The following AGT variants were observed in gnomAD, a reference collection of about 807,000 sequenced individuals.
The protein encoded by AGT is angiotensinogen.
In AGT, 26 loss-of-function variants were observed where a neutral mutation model predicts 28.1. The observed-to-expected ratio is 0.92, with a 90% CI of 0.68 to 1.28. The LOEUF (loss-of-function observed/expected upper bound fraction) is 1.28, where lower values mean the gene tolerates loss of function less well. Among genes scored for constraint, AGT ranks in the 50% most tolerant of loss-of-function variants. The pLI, the probability that AGT is intolerant of heterozygous loss-of-function variation, is 0.00. For synonymous variants in AGT, 259 were observed against 259.6 expected, an observed-to-expected ratio of 1.00 and a Z score of 0.02; for missense variants, 596 against 592.3, an observed-to-expected ratio of 1.01 and a Z score of -0.06.
At chr1:230,719,689 G>A (rs1200009588) in intron 1 of AGT, among the ~76,000 whole-genome samples, 1 of 152,114 alleles carries the variant, frequency 6.6e-6, no homozygotes, top group Non-Finnish European at 1.5e-5. Context: ...TTACAGGCAT[G>A]AGCCACCACA....
intron 2 of AGT, among the ~76,000 whole-genome samples, chr1:230,708,074 C>T (rs1420004331): frequency 6.6e-6 from 1 of 152,228 alleles, no homozygotes; most frequent in Non-Finnish European, 1.5e-5. Context: ...CCGATCTCCT[C>T]ACTGGACAGA....
rs755860691 is a variant in AGT, at chr1:230,702,837, T to C, written c.*304A>G. 6 of 348,178 alleles carry C rather than the reference T, an allele frequency of 1.7e-5. No individual in the cohort carries two copies. Among genetic ancestry groups the C allele is most frequent in the Non-Finnish European group, 3.2e-5 (6 of 190,000 alleles). The allele number at this position is 348,178 out of a possible 1,614,324, so 21.6% of individuals were successfully genotyped here. A position where few individuals can be genotyped will look rare whatever the true frequency, so the allele number is the denominator to read the frequency against. ...ACAAGCTGGTCGGTTGGAATTCTTT[T>C]TGGAACAGTAGTCCCGCGCTAAACA... On this transcript the variant is annotated 3_prime_UTR_variant, in exon 5 of 5. Transcript: ENST00000366667.
chr1:230,729,281 G>C (rs184242201), intron 1 of AGT, among the ~76,000 whole-genome samples: 1 of 152,154 alleles, frequency 6.6e-6, no homozygotes, highest in Non-Finnish European at 1.5e-5. Flanking sequence ...CCTAGCTCCC[G>C]GGCAGTGTTC....
rs138531709 is a variant in AGT, at chr1:230,707,800, C to T, written c.830-1600G>A. On this transcript the variant is annotated intron_variant, in intron 2 of 4. Coordinates refer to ENST00000366667, the MANE Select transcript of AGT (RefSeq NM_001384479.1). ...GAGAGTGGCTGCCGTCTTCCCTCTG[C>T]TCGTCTGACATGCACAGCTCACCAT... Among the ~76,000 whole-genome samples the T allele has an allele frequency of 2.9e-3, 448 of 152,312 alleles. 3 individuals carry two copies. The highest frequency in any genetic ancestry group is 0.01 in the African/African-American group (429 of 41,566).
chr1:230,716,218 T>G (rs1357629176), upstream of AGT, among the ~76,000 whole-genome samples: 1 of 152,228 alleles, frequency 6.6e-6, no homozygotes, highest in Non-Finnish European at 1.5e-5. Flanking sequence ...TAGAGAATTT[T>G]ATTGAGAATG....
chr1:230,702,962 A>T lies in AGT; in HGVS notation c.*179T>A. The stretch of plus-strand genomic sequence containing the variant: ...GCTTCTACTGCTCACTCCATGCAGC[A>T]CACTTAGACCAAGGAGAAACGGCTG... On this transcript the variant is annotated 3_prime_UTR_variant, in exon 5 of 5. Transcript: ENST00000366667. 1 of 672,918 alleles carries T rather than the reference A, an allele frequency of 1.5e-6. No individual in the cohort carries two copies. Among genetic ancestry groups the T allele is most frequent in the East Asian group, 2.7e-5 (1 of 36,450 alleles). The allele number at this position is 672,918 out of a possible 1,614,324, so 41.7% of individuals were successfully genotyped here.
At chr1:230,722,711 C>A (rs1339253203) in intron 1 of AGT, among the ~76,000 whole-genome samples, 1 of 152,170 alleles carries the variant, frequency 6.6e-6, no homozygotes, top group Non-Finnish European at 1.5e-5. Context: ...GCCTGTAGCC[C>A]TTCTGTTTTG....
intron 1 of AGT, among the ~76,000 whole-genome samples, chr1:230,732,818 AG>A (rs1272222048): frequency 3.3e-5 from 5 of 152,200 alleles, no homozygotes; most frequent in East Asian, 1.9e-4. Context: ...TGCTGTCTCA[AG>A]GGTGGCAGAG....
intron 1 of AGT, among the ~76,000 whole-genome samples, chr1:230,740,243 C>T (rs1323107899): frequency 6.6e-6 from 1 of 152,178 alleles, no homozygotes; most frequent in Non-Finnish European, 1.5e-5. Context: ...GAACAGAGGT[C>T]ACTTTCATCG....
chr1:230,719,632 C>T (rs910655221), intron 1 of AGT, among the ~76,000 whole-genome samples: 5 of 152,064 alleles, frequency 3.3e-5, no homozygotes, highest in African/African-American at 9.7e-5. Flanking sequence ...TGGTCTCGAT[C>T]TCCTGACCTC....
intron 1 of AGT, among the ~76,000 whole-genome samples, chr1:230,742,688 G>A (rs1053308781): frequency 1.3e-4 from 20 of 152,142 alleles, no homozygotes; most frequent in African/African-American, 4.1e-4. Context: ...TCCTTGTTCC[G>A]TTTTATGGCT....
chr1:230,706,307 G>T, intron 2 of AGT, 107 bp from the exon 3 acceptor site: 1 of 1,333,208 alleles, frequency 7.5e-7, no homozygotes, highest in Non-Finnish European at 1.0e-6. Flanking sequence ...CCCTGCCTCA[G>T]CCTCCTTCCT....
chr1:230,716,583 T>C (rs1663742787), upstream of AGT, among the ~76,000 whole-genome samples: 1 of 152,148 alleles, frequency 6.6e-6, no homozygotes, highest in Admixed American at 6.5e-5. Flanking sequence ...ATGCTGTTCT[T>C]GTGATAGTGC....
intron 1 of AGT, among the ~76,000 whole-genome samples, chr1:230,730,327 G>A (rs1300442576): frequency 1.3e-5 from 2 of 151,984 alleles, no homozygotes; most frequent in African/African-American, 4.8e-5. Context: ...GTCCACCTCG[G>A]CTTCCCAAAC....
chr1:230,720,161 C>T (rs1051139097), intron 1 of AGT, among the ~76,000 whole-genome samples: 2 of 152,086 alleles, frequency 1.3e-5, no homozygotes, highest in East Asian at 1.9e-4. Flanking sequence ...ATATGAAACA[C>T]GTGGTAGAAA....
At chr1:230,704,511 TA>T (rs753106626) in intron 3 of AGT, among the ~76,000 whole-genome samples, 174 bp from the exon 4 acceptor site, 27 of 152,172 alleles carry the variant, frequency 1.8e-4, no homozygotes, top group Non-Finnish European at 2.9e-4. Context: ...AAACCTACAA[TA>T]AAAATCCTTC....
At position 230,703,208 on chromosome 1, in the gene AGT, A is replaced by G. The variant is rs1388632201; in HGVS notation, c.1364T>C (p.Val455Ala). Residue 455 changes from valine (V) to alanine (A), a missense_variant, in exon 5 of 5, where the codon GTG becomes GCG. Transcript: ENST00000366667. Reference sequence around the variant, plus strand: ...CAGGGCAGTGGCGCTTTGATCATACACAGCAAACAGGAATGGGCGGTTCAG... The same window carrying G: ...CAGGGCAGTGGCGCTTTGATCATACGCAGCAAACAGGAATGGGCGGTTCAG... The part of the protein sequence containing the change: ...VTLNRPFLFA[V>A]YDQSATALHF... 6.2e-7 allele frequency: 1 copy of G among 1,614,194 alleles called. No homozygotes were observed. Among genetic ancestry groups the G allele is most frequent in the Admixed American group, 1.7e-5 (1 of 60,034 alleles).
chr1:230,717,321 G>A (rs752335801), upstream of AGT, among the ~76,000 whole-genome samples: 8 of 151,950 alleles, frequency 5.3e-5, no homozygotes, highest in Non-Finnish European at 1.2e-4. Flanking sequence ...ATGAGACTTG[G>A]TCTAAACTAG....
chr1:230,712,459 A>G (rs1239275143), intron 1 of AGT, among the ~76,000 whole-genome samples: 1 of 152,194 alleles, frequency 6.6e-6, no homozygotes, highest in Non-Finnish European at 1.5e-5. Context: ...GCCACATGAC[A>G]TGGAAAAATG....
Sources: gnomAD v4.1 joint callset for allele counts (sites outside exome capture counted in the v4.1 genomes callset) on GRCh38, gnomAD v4.1.1 for gene constraint, MANE v1.5 for transcripts, NCBI Gene and HGNC (gene_info 2026-07-23, HGNC 2026-07-21) for gene names.